CLCN5: variants seen among roughly 807,000 people sequenced by gnomAD.
CLCN5 encodes H(+)/Cl(-) exchange transporter 5.
A neutral mutation model predicts 54.0 loss-of-function variants in CLCN5; 17 were observed. That is an observed-to-expected ratio of 0.31 (90% CI 0.22 to 0.47). CLCN5 has a LOEUF of 0.47. CLCN5 is among the 20% of genes least tolerant of loss of function. The probability of loss-of-function intolerance (pLI) is 1.00; values close to 1 mark genes in which losing one functional copy is unlikely to be tolerated. For missense variants in CLCN5, 448 were observed against 646.7 expected, an observed-to-expected ratio of 0.69 and a Z score of 3.33; for synonymous variants, 222 against 233.0, an observed-to-expected ratio of 0.95 and a Z score of 0.43.
At chrX:50,063,250 A>T (rs1602102195) in intron 4 of CLCN5, among the ~76,000 whole-genome samples, 1 of 94,827 alleles carries the variant, frequency 1.1e-5, no homozygotes, top group South Asian at 5.1e-4. Flanking sequence ...AACAAAATTG[A>T]TAGACCGCTA....
At chrX:50,064,998 A>G (rs1306953339) in intron 4 of CLCN5, among the ~76,000 whole-genome samples, 1 of 111,306 alleles carries the variant, frequency 9.0e-6, no homozygotes, top group African/African-American at 3.3e-5. Flanking sequence ...TATGCCTTAT[A>G]CAAAAATTAA....
intron 3 of CLCN5, among the ~76,000 whole-genome samples, chrX:50,014,425 A>G (rs1395249148): frequency 8.9e-6 from 1 of 112,132 alleles, no homozygotes; most frequent in South Asian, 3.7e-4. Context: ...ACTTTTTGTC[A>G]CCTAATATTC....
rs1557181870 is a variant in CLCN5, at chrX:50,008,410, A to C, written c.17-33906A>C. On this transcript the variant is annotated intron_variant, in intron 3 of 14. Transcript: ENST00000376091. ...AGAAGAATGAGCCCTCTCACTGAACATTCACAGGGCTTTGTGTTCTGCTCC... is the reference window on the plus strand; with the variant it reads ...AGAAGAATGAGCCCTCTCACTGAACCTTCACAGGGCTTTGTGTTCTGCTCC... 3 of 331,851 alleles carry C rather than the reference A, an allele frequency of 9.0e-6. No individual in the cohort carries two copies. In the South Asian group the frequency reaches 9.1e-5, roughly 10 times the overall value. The allele number at this position is 331,851 out of a possible 1,213,427, so 27.3% of individuals were successfully genotyped here.
intron 3 of CLCN5, chrX:50,014,538 A>G: frequency 3.1e-6 from 1 of 322,839 alleles, no homozygotes; most frequent in Non-Finnish European, 6.1e-6. Context: ...TCTCACACAG[A>G]GCTGTGTAAC....
intron 3 of CLCN5, among the ~76,000 whole-genome samples, chrX:50,007,379 GTCTCTCTCTCTCTCTCTTTCTCTCTC>G (rs1443271576): frequency 2.3e-5 from 1 of 43,276 alleles, no homozygotes; most frequent in Non-Finnish European, 5.1e-5. Flanking sequence ...CTCATTTTCT[GTCTCTCTCTCTCTCTCTTTCTCTCTC>G]TCTCTCTCTC....
At chrX:50,042,263 G>T in intron 3 of CLCN5, 53 bp from the exon 4 acceptor site, 1 of 656,959 alleles carries the variant, frequency 1.5e-6, no homozygotes. Flanking sequence ...AATGTTACGT[G>T]TAAGGGACTT....
chrX:49,926,645 G>T lies in CLCN5; in HGVS notation c.16+1331G>T, dbSNP rs782464227. On this transcript the variant is annotated intron_variant, in intron 3 of 14. Transcript: ENST00000376091. ...TTTGCCTCATGTGAGATGTGTAGGG[G>T]CGCGACCTCAGATGAAGCAGGGAAG... is the stretch of plus-strand genomic sequence containing the variant. Among the ~76,000 whole-genome samples the T allele has an allele frequency of 6.3e-5, 7 of 111,986 alleles. No individual in the cohort carries two copies. The East Asian group carries it at 2.0e-3, about 31-fold the overall frequency.
At chrX:50,042,636 G>T (rs1932266242) in intron 4 of CLCN5, 174 bp downstream of exon 4, 1 of 295,492 alleles carries the variant, frequency 3.4e-6, no homozygotes, top group African/African-American at 2.8e-5. Context: ...ACTCCCTAAA[G>T]AATTCCCTCT....
intron 7 of CLCN5, among the ~76,000 whole-genome samples, chrX:50,076,408 G>A (rs1337291643): frequency 8.9e-6 from 1 of 112,286 alleles, no homozygotes. Flanking sequence ...TTAGAACATT[G>A]AAAAAAGTAC....
intron 3 of CLCN5, among the ~76,000 whole-genome samples, chrX:49,999,047 G>A (rs782793276): frequency 1.6e-4 from 17 of 106,991 alleles, no homozygotes; most frequent in Admixed American, 3.0e-4. Flanking sequence ...ATCCAGAGTC[G>A]AGATTGTTTA....
At chrX:49,994,058 G>A (rs1557179303) in intron 3 of CLCN5, among the ~76,000 whole-genome samples, 1 of 111,929 alleles carries the variant, frequency 8.9e-6, no homozygotes, top group African/African-American at 3.2e-5. Flanking sequence ...TAAAAGAGGA[G>A]GGAGCAAAAG....
intron 4 of CLCN5, among the ~76,000 whole-genome samples, chrX:50,064,692 C>T (rs1379562303): frequency 1.5e-4 from 14 of 96,447 alleles, no homozygotes; most frequent in South Asian, 5.3e-4. Flanking sequence ...AAAAAGAGCC[C>T]GCATCGCCAA....
intron 3 of CLCN5, among the ~76,000 whole-genome samples, chrX:49,927,391 T>C (rs1168880118): frequency 8.9e-6 from 1 of 112,113 alleles, no homozygotes; most frequent in Non-Finnish European, 1.9e-5. Flanking sequence ...CCAGCATTAG[T>C]GAAGAGGGGA....
chrX:50,060,335 C>T (rs1557189700), intron 4 of CLCN5, among the ~76,000 whole-genome samples: 1 of 110,574 alleles, frequency 9.0e-6, no homozygotes. Flanking sequence ...CGAGGCATTG[C>T]CTCACCTGGG....
chrX:50,002,026 C>G, intron 3 of CLCN5, among the ~76,000 whole-genome samples: 1 of 110,695 alleles, frequency 9.0e-6, no homozygotes, highest in Admixed American at 9.6e-5. Flanking sequence ...CTCTCTTTCT[C>G]AGTCTCTTGA....
chrX:50,001,537 A>G (rs996507419), intron 3 of CLCN5, among the ~76,000 whole-genome samples: 3 of 108,633 alleles, frequency 2.8e-5, no homozygotes, highest in Non-Finnish European at 5.7e-5. Context: ...ACATATGCAT[A>G]CATGTGCCAT....
rs1429146244 is a variant in CLCN5 at position 49,951,647 on chromosome X, A to G, written c.16+26333A>G. ...AGAGTACAAGAGGTTATTTGCAGCT[A>G]GCATGAGGGTGGAAGGTTTAGGAAG... On this transcript the variant is annotated intron_variant, in intron 3 of 14. Transcript: ENST00000376091. Among the ~76,000 whole-genome samples, 5 of 112,233 alleles carry G rather than the reference A, an allele frequency of 4.5e-5. 1 individual carries two copies. In the Admixed American group the frequency reaches 4.7e-4, roughly 11 times the overall value.
rs1335618172 is a variant in CLCN5 at position 50,095,743 on chromosome X, G to A, written c.*3524G>A. 2.7e-5 allele frequency: 3 copies of A among 112,250 alleles called. No homozygotes were observed. The highest frequency in any genetic ancestry group is 2.8e-4 in the East Asian group (1 of 3,584). The allele number at this position is 112,250 out of a possible 1,213,427, so 9.3% of individuals were successfully genotyped here. On this transcript the variant is annotated 3_prime_UTR_variant, in exon 15 of 15. Transcript: ENST00000376091. Reference sequence around the variant, plus strand: ...AATTCACAACCAAGATCTTATGAACGCATTCAGATGTGAGGGGGGCAAATA... The same window carrying A: ...AATTCACAACCAAGATCTTATGAACACATTCAGATGTGAGGGGGGCAAATA...
intron 3 of CLCN5, among the ~76,000 whole-genome samples, chrX:49,962,835 C>T (rs949761963): frequency 4.5e-5 from 5 of 111,979 alleles, no homozygotes; most frequent in Non-Finnish European, 7.5e-5. Flanking sequence ...CTTCTTGGCT[C>T]AGTCCAGGTA....
Sources: gnomAD v4.1 joint callset for allele counts (sites outside exome capture counted in the v4.1 genomes callset) on GRCh38, gnomAD v4.1.1 for gene constraint, MANE v1.5 for transcripts, NCBI Gene and HGNC (gene_info 2026-07-23, HGNC 2026-07-21) for gene names.